The following IL11RA variants were observed in gnomAD, a reference collection of about 807,000 sequenced individuals.
The protein encoded by IL11RA is interleukin 11 receptor subunit alpha, also known as interleukin-11 receptor subunit alpha.
IL11RA carries 51 observed loss-of-function variants against 57.0 expected under a neutral mutation model. That is an observed-to-expected ratio of 0.89 (90% CI 0.71 to 1.13). The LOEUF is 1.13. Among genes scored for constraint, IL11RA ranks in the 50% most tolerant of loss-of-function variants. The pLI is 0.00. For missense variants in IL11RA, 498 were observed against 539.4 expected, an observed-to-expected ratio of 0.92 and a Z score of 0.76; for synonymous variants, 199 against 217.5, an observed-to-expected ratio of 0.91 and a Z score of 0.75.
At chr9:34,659,662 A>G (rs1251757686) in intron 8 of IL11RA, 97 bp from the exon 9 acceptor site, 1 of 1,465,198 alleles carries the variant, frequency 6.8e-7, no homozygotes, top group African/African-American at 1.4e-5. Flanking sequence ...ACTAGGCTTT[A>G]GGATGAGACT....
intron 8 of IL11RA, 103 bp from the exon 9 acceptor site, chr9:34,659,656 G>A (rs1473308800): frequency 3.5e-6 from 5 of 1,423,568 alleles, no homozygotes; most frequent in Non-Finnish European, 4.9e-6. Flanking sequence ...AGCTCCACTA[G>A]GCTTTAGGAT....
At chr9:34,661,355 G>T in intron 12 of IL11RA, 127 bp from the exon 13 acceptor site, 1 of 1,013,364 alleles carries the variant, frequency 9.9e-7, no homozygotes, top group Non-Finnish European at 1.6e-6. Flanking sequence ...GGCTCCCTCA[G>T]AGCTGGGCTC....
Position 34,660,344 on chromosome 9 carries a change from C to T in IL11RA, c.1023C>T (p.Asp341=). 4 of 1,614,244 alleles carry T rather than the reference C, an allele frequency of 2.5e-6. No homozygotes were observed. The highest frequency in any genetic ancestry group is 1.7e-5 in the Admixed American group (1 of 60,028). ...AGCCAGAGGTGGAGCCTCAGGTGGACAGCCCTGCTCCTCCAAGGCCCTCCC... is the reference window on the plus strand; with the variant it reads ...AGCCAGAGGTGGAGCCTCAGGTGGATAGCCCTGCTCCTCCAAGGCCCTCCC... ...HTQPEVEPQV[D]SPAPPRPSLQ... is the part of the protein sequence containing the mutation. The change falls in exon 10 of 13, where the codon GAC becomes GAT. Residue 341 remains aspartate (D), a synonymous_variant. Transcript: ENST00000441545.
chr9:34,655,351 C>A, intron 2 of IL11RA, 34 bp downstream of exon 2: 1 of 1,309,822 alleles, frequency 7.6e-7, no homozygotes, highest in Non-Finnish European at 1.1e-6. Context: ...CCTCCCAACT[C>A]TGACTTGTGA....
intron 1 of IL11RA, chr9:34,654,997 GT>G: frequency 2.3e-6 from 1 of 436,794 alleles, no homozygotes; most frequent in Non-Finnish European, 4.2e-6. Context: ...GTGTGTCCGT[GT>G]GTGTGTGTGT....
intron 9 of IL11RA, 27 bp downstream of exon 9, chr9:34,659,927 C>A (rs755056900): frequency 1.2e-6 from 2 of 1,612,084 alleles, no homozygotes; most frequent in Non-Finnish European, 1.7e-6. Context: ...AAGAAAAGGG[C>A]AGAGGCCCCA....
In IL11RA at chr9:34,661,746, T is replaced by A; in HGVS notation, c.*248T>A. 1.4e-6 allele frequency: 1 copy of A among 704,896 alleles called. No individual in the cohort carries two copies. Among genetic ancestry groups the A allele is most frequent in the Non-Finnish European group, 2.5e-6 (1 of 407,402 alleles). 43.7% of individuals were successfully genotyped at this position (704,896 alleles called of 1,614,324 possible). On this transcript the variant is annotated 3_prime_UTR_variant, in exon 13 of 13. Transcript: ENST00000441545. Reference sequence around the variant, plus strand: ...GTACATCTGTGTCCATGTGTGACCATGTGTCTGTGAGGCAGGGAACATGTA... The same window carrying A: ...GTACATCTGTGTCCATGTGTGACCAAGTGTCTGTGAGGCAGGGAACATGTA...
intron 7 of IL11RA, 96 bp downstream of exon 7, chr9:34,657,683 A>C: frequency 4.1e-6 from 5 of 1,208,940 alleles, no homozygotes; most frequent in South Asian, 1.3e-5. Flanking sequence ...TTTCCTCCCA[A>C]CCTAGACTCC....
chr9:34,658,805 GGCCA>G lies in IL11RA; in HGVS notation c.810+124_810+127del. On this transcript the variant is annotated intron_variant, in intron 8 of 12. Transcript: ENST00000441545. This position sits in a 1 kb window ranked among gnomAD's most constrained non-coding sequence, Gnocchi z 4.0. Reference sequence around the variant, plus strand: ...ACTGAAGACCCAACACTTCCCTGTGGGCCAGGCTTTGTACTGGGTGCTGGGTTGC... The same window carrying G: ...ACTGAAGACCCAACACTTCCCTGTGGGGCTTTGTACTGGGTGCTGGGTTGC... 1 of 1,120,564 alleles carries G rather than the reference GGCCA, an allele frequency of 8.9e-7. No homozygotes were observed. The highest frequency in any genetic ancestry group is 1.3e-6 in the Non-Finnish European group (1 of 760,250). The allele number at this position is 1,120,564 out of a possible 1,614,324, so 69.4% of individuals were successfully genotyped here.
intron 7 of IL11RA, 92 bp downstream of exon 7, chr9:34,657,679 C>T: frequency 2.4e-6 from 3 of 1,265,392 alleles, no homozygotes; most frequent in Non-Finnish European, 3.4e-6. Flanking sequence ...CCAGTTTCCT[C>T]CCAACCTAGA....
chr9:34,657,698 C>A, intron 7 of IL11RA, 111 bp downstream of exon 7: 2 of 1,089,930 alleles, frequency 1.8e-6, no homozygotes, highest in Non-Finnish European at 2.7e-6. Context: ...GACTCCATTT[C>A]ACACAGAGAA....
chr9:34,660,745 C>T lies in IL11RA; in HGVS notation c.1170-109C>T. 6 of 1,209,130 alleles carry T rather than the reference C, an allele frequency of 5.0e-6. No individual in the cohort carries two copies. The South Asian group carries it at 7.3e-5, about 15-fold the overall frequency. The allele number at this position is 1,209,130 out of a possible 1,614,324, so 74.9% of individuals were successfully genotyped here. ...CTCCCCATACCTCCATCCCCCATGC[C>T]CCACTTGATTTTAACTGATTCCTCT... On this transcript the variant is annotated intron_variant, in intron 11 of 12. Transcript: ENST00000441545.
chr9:34,660,479 A>G, intron 10 of IL11RA, 25 bp from the exon 11 acceptor site: 1 of 1,614,088 alleles, frequency 6.2e-7, no homozygotes, highest in Non-Finnish European at 8.5e-7. Flanking sequence ...GCTTGCTCTC[A>G]GTGACATGTG....
chr9:34,660,115 A>G (rs1166401168), intron 9 of IL11RA, among the ~76,000 whole-genome samples, 159 bp from the exon 10 acceptor site: 1 of 152,178 alleles, frequency 6.6e-6, no homozygotes, highest in Non-Finnish European at 1.5e-5. Context: ...CACTTCTACA[A>G]GCTTGGAGCT....
chr9:34,655,839 G>C (rs779269805), intron 3 of IL11RA, 174 bp downstream of exon 3: 1 of 689,566 alleles, frequency 1.5e-6, no homozygotes, highest in Non-Finnish European at 2.7e-6. Flanking sequence ...GGTATGTTTT[G>C]AGCATCTGCC....
In IL11RA at chr9:34,660,614, A is replaced by G. The variant is rs1564105994; in HGVS notation, c.1169+14A>G. 5 of 1,601,018 alleles carry G rather than the reference A, an allele frequency of 3.1e-6. No individual in the cohort carries two copies. Among genetic ancestry groups the G allele is most frequent in the African/African-American group, 1.3e-5 (1 of 74,580 alleles). On this transcript the variant is annotated intron_variant, in intron 11 of 12. Transcript: ENST00000441545. The stretch of plus-strand genomic sequence containing the variant: ...ACTGGGGCTCTGGTAAGTGACTGCC[A>G]TTGGTCCCTCAGCCTCTGATCCTCA...
At chr9:34,660,681 T>G in intron 11 of IL11RA, 81 bp downstream of exon 11, 1 of 1,310,906 alleles carries the variant, frequency 7.6e-7, no homozygotes, top group Non-Finnish European at 1.1e-6. Flanking sequence ...TCTCCACCCT[T>G]CATGACTGCC....
chr9:34,659,621 C>T (rs1269988193), intron 8 of IL11RA, 138 bp from the exon 9 acceptor site: 4 of 1,035,536 alleles, frequency 3.9e-6, no homozygotes, highest in Non-Finnish European at 6.0e-6. Flanking sequence ...TCAGCTCCAC[C>T]AGACACCCAA....
chr9:34,653,668 A>G lies in IL11RA; in HGVS notation c.-1+1435A>G, dbSNP rs1156723065. Among the ~76,000 whole-genome samples the G allele has an allele frequency of 6.6e-6, 1 of 152,204 alleles. No homozygotes were observed. Among genetic ancestry groups the G allele is most frequent in the Non-Finnish European group, 1.5e-5 (1 of 68,032 alleles). On this transcript the variant is annotated intron_variant, in intron 1 of 12. Transcript: ENST00000441545. This position sits in a 1 kb window ranked among gnomAD's most constrained non-coding sequence, Gnocchi z 4.5. Reference sequence around the variant, plus strand: ...ACTGTGTCTGGCTGTGTGAAAACACAGGGCATCTCTCACTGACAGGGACAT... The same window carrying G: ...ACTGTGTCTGGCTGTGTGAAAACACGGGGCATCTCTCACTGACAGGGACAT...
Sources: allele counts gnomAD v4.1 joint callset (sites outside exome capture counted in the v4.1 genomes callset), GRCh38; gene constraint gnomAD v4.1.1; non-coding constraint Gnocchi (gnomAD v3.1); transcripts MANE v1.5; gene names NCBI Gene and HGNC (gene_info 2026-07-23, HGNC 2026-07-21).